ROBO1: variants seen among roughly 807,000 people sequenced by gnomAD.
ROBO1 encodes the protein roundabout guidance receptor 1, also known as roundabout homolog 1.
ROBO1 carries 149 observed loss-of-function variants against 195.9 expected under a neutral mutation model. The ratio of observed to expected loss-of-function variants is 0.76; its 90% CI spans 0.67 to 0.87. ROBO1 has a LOEUF of 0.87. Among genes scored for constraint, ROBO1 ranks in the 40% least tolerant of loss-of-function variants. ROBO1 has a pLI of 0.00. For missense variants in ROBO1, 1,933 were observed against 2,068.3 expected, an observed-to-expected ratio of 0.93 and a Z score of 1.27; for synonymous variants, 816 against 733.2, an observed-to-expected ratio of 1.11 and a Z score of -1.82.
intron 3 of ROBO1, among the ~76,000 whole-genome samples, chr3:78,997,977 T>G (rs1174096808): frequency 6.6e-6 from 1 of 152,176 alleles, no homozygotes; most frequent in Non-Finnish European, 1.5e-5. Flanking sequence ...TAGTATATGT[T>G]GGACCAGACT....
intron 26 of ROBO1, among the ~76,000 whole-genome samples, chr3:78,623,330 A>G (rs1704566622): frequency 6.6e-6 from 1 of 152,130 alleles, no homozygotes; most frequent in Non-Finnish European, 1.5e-5. Context: ...CCAAAAGGAG[A>G]GGAGAAAATG....
intron 1 of ROBO1, among the ~76,000 whole-genome samples, chr3:79,685,833 T>A (rs144314793): frequency 6.6e-6 from 1 of 152,152 alleles, no homozygotes; most frequent in East Asian, 1.9e-4. Context: ...ACTATTCCAA[T>A]CAATAGAAAA....
intron 1 of ROBO1, among the ~76,000 whole-genome samples, chr3:79,714,649 T>C (rs982256252): frequency 4.0e-5 from 6 of 151,580 alleles, no homozygotes; most frequent in African/African-American, 1.2e-4. Context: ...CACATATACA[T>C]CATGGAATAC....
chr3:79,609,889 C>T (rs1274606343), intron 1 of ROBO1, among the ~76,000 whole-genome samples: 2 of 151,766 alleles, frequency 1.3e-5, no homozygotes, highest in Admixed American at 1.3e-4. Flanking sequence ...ATATGATTTC[C>T]ATTTTGCAAG....
chr3:78,668,824 G>C (rs1347541466), intron 11 of ROBO1, among the ~76,000 whole-genome samples: 2 of 152,062 alleles, frequency 1.3e-5, no homozygotes, highest in Non-Finnish European at 2.9e-5. Flanking sequence ...ATTATCATCA[G>C]TCTCAGGGAC....
chr3:79,285,371 G>C (rs867625309), intron 2 of ROBO1, among the ~76,000 whole-genome samples: 1 of 152,114 alleles, frequency 6.6e-6, no homozygotes, highest in South Asian at 2.1e-4. Flanking sequence ...AGCTCCCAAA[G>C]CATTACTAAA....
chr3:78,936,464 T>C (rs2039812947), intron 4 of ROBO1, among the ~76,000 whole-genome samples: 1 of 152,058 alleles, frequency 6.6e-6, no homozygotes, highest in Admixed American at 6.6e-5. Flanking sequence ...AAACATGCAG[T>C]TGGTCCTCTA....
At chr3:79,601,479 C>G (rs1944337942) in intron 1 of ROBO1, among the ~76,000 whole-genome samples, 1 of 151,930 alleles carries the variant, frequency 6.6e-6, no homozygotes, top group Admixed American at 6.6e-5. Context: ...TGGCAAAGGT[C>G]TCTATTATGA....
intron 1 of ROBO1, among the ~76,000 whole-genome samples, chr3:79,735,675 C>T (rs1410920215): frequency 6.6e-6 from 1 of 152,092 alleles, no homozygotes; most frequent in Admixed American, 6.6e-5. Context: ...TCGAGACCAT[C>T]CTGGCTAACA....
intron 3 of ROBO1, among the ~76,000 whole-genome samples, chr3:79,078,208 T>C (rs1203753103): frequency 6.6e-6 from 1 of 151,836 alleles, no homozygotes; most frequent in African/African-American, 2.4e-5. Context: ...TCTAAACATA[T>C]TAACTCTAAA....
intron 3 of ROBO1, among the ~76,000 whole-genome samples, chr3:79,017,477 G>GTGTGTGTGTGTA (rs1553659489): frequency 2.6e-5 from 4 of 151,388 alleles, no homozygotes; most frequent in Middle Eastern, 3.4e-3. Context: ...GTGTGTGTGT[G>GTGTGTGTGTGTA]TGTGTGTGTG....
chr3:78,877,597 A>T (rs2035931824), intron 4 of ROBO1, among the ~76,000 whole-genome samples: 1 of 152,220 alleles, frequency 6.6e-6, no homozygotes, highest in Non-Finnish European at 1.5e-5. Context: ...TAACTTTTAA[A>T]ATAGTTTAAA....
chr3:79,284,241 G>T (rs1472150626), intron 2 of ROBO1, among the ~76,000 whole-genome samples: 1 of 151,930 alleles, frequency 6.6e-6, no homozygotes, highest in Admixed American at 6.6e-5. Flanking sequence ...GTGGGAGAGG[G>T]AGACCTTAAA....
At chr3:78,783,942 A>C (rs2083755949) in intron 4 of ROBO1, among the ~76,000 whole-genome samples, 1 of 152,162 alleles carries the variant, frequency 6.6e-6, no homozygotes, top group Non-Finnish European at 1.5e-5. Context: ...GAGAAATATA[A>C]AACATTATTG....
At chr3:79,422,968 A>G (rs1415891151) in intron 2 of ROBO1, among the ~76,000 whole-genome samples, 3 of 145,346 alleles carry the variant, frequency 2.1e-5, no homozygotes, top group Admixed American at 7.1e-5. Context: ...AACCTTATTT[A>G]GTATATTTCC....
intron 1 of ROBO1, among the ~76,000 whole-genome samples, chr3:79,766,382 G>A (rs1453412084): frequency 6.6e-6 from 1 of 151,582 alleles, no homozygotes; most frequent in African/African-American, 2.4e-5. Context: ...TGAGTAGTGG[G>A]AGCTCCGACT....
chr3:78,739,105 C>T (rs1513259), intron 5 of ROBO1, among the ~76,000 whole-genome samples: 1 of 152,178 alleles, frequency 6.6e-6, no homozygotes, highest in Non-Finnish European at 1.5e-5. Flanking sequence ...CATATCAGCT[C>T]AGAATTTGAA....
chr3:79,633,020 A>C (rs914459595), intron 1 of ROBO1, among the ~76,000 whole-genome samples: 1 of 152,182 alleles, frequency 6.6e-6, no homozygotes, highest in Non-Finnish European at 1.5e-5. Context: ...AGATTAAAAA[A>C]AAGTTAAATG....
chr3:78,778,198 TG>T (rs961479114), intron 4 of ROBO1, among the ~76,000 whole-genome samples: 51 of 152,164 alleles, frequency 3.4e-4, no homozygotes, highest in Non-Finnish European at 6.5e-4. Context: ...TTGATCGTGG[TG>T]GATAAGCTTT....
Sources: allele counts gnomAD v4.1 joint callset (sites outside exome capture counted in the v4.1 genomes callset), GRCh38; gene constraint gnomAD v4.1.1; transcripts MANE v1.5; gene names NCBI Gene and HGNC (gene_info 2026-07-23, HGNC 2026-07-21).